FOXO1: variants seen among roughly 807,000 people sequenced by gnomAD.
FOXO1 encodes the protein forkhead box protein O1.
In FOXO1, 6 loss-of-function variants were observed where a neutral mutation model predicts 44.1. The ratio of observed to expected loss-of-function variants is 0.14; its 90% CI spans 0.07 to 0.27. The LOEUF is 0.27. Ranked by LOEUF, FOXO1 falls within the 10% of genes least tolerant of loss-of-function variation. The probability of loss-of-function intolerance (pLI) is 1.00; values close to 1 mark genes in which losing one functional copy is unlikely to be tolerated. For synonymous variants in FOXO1, 380 were observed against 362.7 expected, an observed-to-expected ratio of 1.05 and a Z score of -0.54; for missense variants, 737 against 888.8, an observed-to-expected ratio of 0.83 and a Z score of 2.17.
chr13:40,567,801 C>G (rs1429272355), intron 1 of FOXO1, among the ~76,000 whole-genome samples: 2 of 152,046 alleles, frequency 1.3e-5, no homozygotes, highest in Non-Finnish European at 2.9e-5. Flanking sequence ...AACCCCATCT[C>G]TACTAAAGAT....
chr13:40,654,121 A>AT (rs1555253465), intron 1 of FOXO1, among the ~76,000 whole-genome samples: 1 of 151,916 alleles, frequency 6.6e-6, no homozygotes, highest in Non-Finnish European at 1.5e-5. Context: ...CTCATGGGGT[A>AT]TATCATTAGG....
chr13:40,594,511 C>T (rs1231491635), intron 1 of FOXO1, among the ~76,000 whole-genome samples: 4 of 152,164 alleles, frequency 2.6e-5, no homozygotes, highest in African/African-American at 9.7e-5. Flanking sequence ...GAGCAGAATG[C>T]ATGGACATTA....
At chr13:40,619,087 C>G (rs1308269696) in intron 1 of FOXO1, 1 of 415,572 alleles carries the variant, frequency 2.4e-6, no homozygotes. Flanking sequence ...AGTTCAAGAC[C>G]AGCCTGGCCA....
In FOXO1 at chr13:40,666,276, C is replaced by T. The variant is rs956589525; in HGVS notation, c.-64G>A. 7.5e-5 allele frequency: 97 copies of T among 1,289,882 alleles called. No homozygotes were observed. Among genetic ancestry groups the T allele is most frequent in the Middle Eastern group, 2.8e-4 (1 of 3,510 alleles). The allele number at this position is 1,289,882 out of a possible 1,614,324, so 79.9% of individuals were successfully genotyped here. The stretch of plus-strand genomic sequence containing the variant: ...GAGGGGGAGAACGCAGCACTGGGGG[C>T]GGACGGGGAGGGGGCGCGAAGGGAC... On this transcript the variant is annotated 5_prime_UTR_variant, in exon 1 of 3. Coordinates refer to ENST00000379561, the MANE Select transcript of FOXO1 (RefSeq NM_002015.4).
Position 40,559,927 on chromosome 13 carries a change from G to A in FOXO1, c.1564C>T (p.His522Tyr). The A allele has an allele frequency of 6.2e-7, 1 of 1,614,178 alleles. No individual in the cohort carries two copies. The highest frequency in any genetic ancestry group is 8.5e-7 in the Non-Finnish European group (1 of 1,180,030). Residue 522 changes from histidine to tyrosine, a missense_variant, in exon 2 of 3, where the codon CAT (histidine) becomes TAT (tyrosine). Transcript: ENST00000379561. ...TGCTGAGCATGTCCAGGGTGGGTAT[G>A]GGAGCTGGGATTCATCATTTTGTTA... ...SHNKMMNPSS[H>Y]THPGHAQQTS...
chr13:40,632,685 G>A (rs1877005989), intron 1 of FOXO1, among the ~76,000 whole-genome samples: 1 of 152,020 alleles, frequency 6.6e-6, no homozygotes, highest in African/African-American at 2.4e-5. Context: ...GCTCATGCCT[G>A]TAATCCCAGC....
intron 1 of FOXO1, among the ~76,000 whole-genome samples, chr13:40,584,741 A>T (rs553651217): frequency 2.6e-5 from 4 of 152,354 alleles, no homozygotes; most frequent in African/African-American, 7.2e-5. Flanking sequence ...CCCAATAACC[A>T]AGCACATAAA....
intron 1 of FOXO1, among the ~76,000 whole-genome samples, chr13:40,599,243 T>G (rs1429033415): frequency 6.7e-6 from 1 of 148,954 alleles, no homozygotes; most frequent in Non-Finnish European, 1.5e-5. Flanking sequence ...TTCCAAGGTC[T>G]GTTTGCAGAG....
At chr13:40,571,711 C>T (rs909212052) in intron 1 of FOXO1, among the ~76,000 whole-genome samples, 5 of 152,194 alleles carry the variant, frequency 3.3e-5, no homozygotes, top group African/African-American at 1.2e-4. Flanking sequence ...TAAGAGGAAA[C>T]TCATTTGACG....
chr13:40,584,745 A>T (rs572897659), intron 1 of FOXO1, among the ~76,000 whole-genome samples: 2 of 152,334 alleles, frequency 1.3e-5, no homozygotes, highest in African/African-American at 4.8e-5. Context: ...ATAACCAAGC[A>T]CATAAATTCC....
At chr13:40,659,175 T>G (rs1877953779) in intron 1 of FOXO1, among the ~76,000 whole-genome samples, 1 of 149,664 alleles carries the variant, frequency 6.7e-6, no homozygotes, top group Non-Finnish European at 1.5e-5. Flanking sequence ...ATTATCCAGG[T>G]GTGGTGGCAT....
chr13:40,584,507 A>T (rs1875081279), intron 1 of FOXO1, among the ~76,000 whole-genome samples: 1 of 140,172 alleles, frequency 7.1e-6, no homozygotes, highest in African/African-American at 2.6e-5. Context: ...AAAAAGCCAG[A>T]TGCAGTGGCA....
chr13:40,596,833 C>T (rs781144582), intron 1 of FOXO1, among the ~76,000 whole-genome samples: 26 of 152,278 alleles, frequency 1.7e-4, no homozygotes, highest in Admixed American at 3.3e-4. Flanking sequence ...AAAGAAAGAC[C>T]GTAAATCATA....
chr13:40,567,095 T>C (rs2701859), intron 1 of FOXO1, among the ~76,000 whole-genome samples: 57,711 of 151,892 alleles, frequency 0.38, 12,665 homozygotes, highest in East Asian at 0.73. Flanking sequence ...CCACTTGACA[T>C]GCATCTAGCC....
At chr13:40,639,318 G>A (rs1057509051) in intron 1 of FOXO1, among the ~76,000 whole-genome samples, 8 of 152,188 alleles carry the variant, frequency 5.3e-5, no homozygotes, top group Admixed American at 5.2e-4. Context: ...CAGGGCTGAT[G>A]GAATAGGAGG....
Position 40,665,630 on chromosome 13 carries a change from G to A in FOXO1, c.583C>T (p.Pro195Ser), listed in dbSNP as rs1878206349. 1.3e-6 allele frequency: 2 copies of A among 1,491,608 alleles called. No individual in the cohort carries two copies. Among genetic ancestry groups the A allele is most frequent in the Non-Finnish European group, 1.8e-6 (2 of 1,110,250 alleles). 92.4% of individuals were successfully genotyped at this position (1,491,608 alleles called of 1,614,324 possible). The change falls in exon 1 of 3, where the codon CCC becomes TCC. Residue 195 changes from proline to serine, a missense_variant. Pro to Ser is a moderately conservative substitution (Grantham distance 74). Around this residue, in one of 7 missense-constraint regions of FOXO1, gnomAD observed 49 missense variants for 50.2 expected, o/e 0.98. Coordinates refer to ENST00000379561, the MANE Select transcript of FOXO1 (RefSeq NM_002015.4). Reference protein sequence around the residue: ...QIYEWMVKSVPYFKDKGDSNS... With the variant: ...QIYEWMVKSVSYFKDKGDSNS... The stretch of plus-strand genomic sequence containing the variant: ...CTGTCACCCTTATCCTTGAAGTAGG[G>A]CACGCTCTTGACCATCCACTCGTAG...
chr13:40,664,271 C>T (rs529430244), intron 1 of FOXO1, among the ~76,000 whole-genome samples: 1 of 152,152 alleles, frequency 6.6e-6, no homozygotes, highest in South Asian at 2.1e-4. Flanking sequence ...GACTCCGTCT[C>T]GGAGGAGGGG....
At chr13:40,587,737 G>T (rs749266700) in intron 1 of FOXO1, among the ~76,000 whole-genome samples, 1 of 152,128 alleles carries the variant, frequency 6.6e-6, no homozygotes, top group East Asian at 1.9e-4. Flanking sequence ...CATTTCTACC[G>T]AATGGTCTGG....
At position 40,627,985 on chromosome 13, in the gene FOXO1, T is replaced by C. The variant is rs145366440; in HGVS notation, c.630+37598A>G. On this transcript the variant is annotated intron_variant, in intron 1 of 2. Coordinates refer to ENST00000379561, the MANE Select transcript of FOXO1 (RefSeq NM_002015.4). ...CTCATAAAAGCTACCCTTGACTGGG[T>C]TGGCAGGGGAACCGTGTGTGTGTGC... 5.3e-3 allele frequency among the ~76,000 whole-genome samples: 802 copies of C among 152,244 alleles called. 8 individuals carry two copies. The highest frequency in any genetic ancestry group is 0.031 in the Middle Eastern group (9 of 294).
Sources: allele counts gnomAD v4.1 joint callset (sites outside exome capture counted in the v4.1 genomes callset), GRCh38; gene constraint gnomAD v4.1.1; regional missense constraint gnomAD v4.1.1; transcripts MANE v1.5; gene names NCBI Gene and HGNC (gene_info 2026-07-23, HGNC 2026-07-21).